TNIK: variants seen among roughly 807,000 people sequenced by gnomAD.
The protein encoded by TNIK is TRAF2 and NCK-interacting protein kinase.
A neutral mutation model predicts 191.3 loss-of-function variants in TNIK; 49 were observed. The ratio of observed to expected loss-of-function variants is 0.26; its 90% CI spans 0.20 to 0.32. The LOEUF is 0.32. Ranked by LOEUF, TNIK falls within the 10% of genes least tolerant of loss-of-function variation. The probability of loss-of-function intolerance (pLI) is 1.00; values close to 1 mark genes in which losing one functional copy is unlikely to be tolerated. For synonymous variants in TNIK, 594 were observed against 600.9 expected, an observed-to-expected ratio of 0.99 and a Z score of 0.17; for missense variants, 1,155 against 1,702.3, an observed-to-expected ratio of 0.68 and a Z score of 5.66.
chr3:171,218,586 G>A (rs1409804072), intron 3 of TNIK, among the ~76,000 whole-genome samples: 1 of 149,232 alleles, frequency 6.7e-6, no homozygotes, highest in Non-Finnish European at 1.5e-5. Context: ...CCCCCTTTTG[G>A]CTTTGGTTAT....
At chr3:171,335,960 T>G (rs907580587) in intron 2 of TNIK, among the ~76,000 whole-genome samples, 51 of 152,176 alleles carry the variant, frequency 3.4e-4, no homozygotes, top group African/African-American at 1.2e-3. Flanking sequence ...CTTTTTAACT[T>G]TAGTCATACA....
chr3:171,232,232 C>T (rs903671149), intron 2 of TNIK, among the ~76,000 whole-genome samples: 2 of 151,938 alleles, frequency 1.3e-5, no homozygotes, highest in Non-Finnish European at 2.9e-5. Context: ...CGTCTGTACA[C>T]CCAGCTACTT....
At chr3:171,398,339 T>C (rs918908772) in intron 1 of TNIK, among the ~76,000 whole-genome samples, 1 of 152,196 alleles carries the variant, frequency 6.6e-6, no homozygotes, top group African/African-American at 2.4e-5. Flanking sequence ...TAGCATCACA[T>C]TTTTATTTAG....
At chr3:171,419,113 G>A in intron 1 of TNIK, among the ~76,000 whole-genome samples, 1 of 152,224 alleles carries the variant, frequency 6.6e-6, no homozygotes, top group Admixed American at 6.5e-5. Flanking sequence ...TCTTCAAAGG[G>A]CCCGTCTCCA....
At chr3:171,241,690 GC>G (rs1278080761) in intron 2 of TNIK, among the ~76,000 whole-genome samples, 1 of 152,158 alleles carries the variant, frequency 6.6e-6, no homozygotes, top group Non-Finnish European at 1.5e-5. Context: ...GCTAGCAGCA[GC>G]CAACAGATCT....
intron 2 of TNIK, among the ~76,000 whole-genome samples, chr3:171,322,134 T>C (rs1466702978): frequency 6.6e-6 from 1 of 152,216 alleles, no homozygotes; most frequent in Non-Finnish European, 1.5e-5. Flanking sequence ...AAACACTTCC[T>C]TATTTAGCAA....
chr3:171,096,195 C>T (rs1722698820), intron 22 of TNIK, among the ~76,000 whole-genome samples: 1 of 152,110 alleles, frequency 6.6e-6, no homozygotes, highest in Non-Finnish European at 1.5e-5. Flanking sequence ...ATCTGCCAGG[C>T]TGATGCTTGT....
At chr3:171,300,937 A>C (rs1752811816) in intron 2 of TNIK, among the ~76,000 whole-genome samples, 2 of 152,202 alleles carry the variant, frequency 1.3e-5, no homozygotes, top group Admixed American at 1.3e-4. Context: ...CAACCATCAA[A>C]ATAAAAATGA....
At chr3:171,434,444 CTTATTTAT>C (rs72027292) in intron 1 of TNIK, among the ~76,000 whole-genome samples, 1 of 149,240 alleles carries the variant, frequency 6.7e-6, no homozygotes, top group Non-Finnish European at 1.5e-5. Context: ...CTCTTTTTTA[CTTATTTAT>C]TTATTTATTT....
chr3:171,206,692 T>G (rs1258842221), intron 4 of TNIK, among the ~76,000 whole-genome samples: 2 of 152,084 alleles, frequency 1.3e-5, no homozygotes, highest in Non-Finnish European at 2.9e-5. Context: ...ACTAATGAGT[T>G]TTGAGGCCCG....
intron 10 of TNIK, among the ~76,000 whole-genome samples, chr3:171,162,684 G>A (rs1486646143): frequency 6.6e-6 from 1 of 152,114 alleles, no homozygotes; most frequent in Non-Finnish European, 1.5e-5. Context: ...ATTTTACTCT[G>A]TTCTCTCATT....
chr3:171,420,138 ATTTC>A (rs1723578536), intron 1 of TNIK, among the ~76,000 whole-genome samples: 2 of 152,056 alleles, frequency 1.3e-5, no homozygotes, highest in Non-Finnish European at 2.9e-5. Flanking sequence ...GAGGGTTTTT[ATTTC>A]AACCGATGTT....
At chr3:171,293,631 G>A (rs186251221) in intron 2 of TNIK, among the ~76,000 whole-genome samples, 3 of 152,202 alleles carry the variant, frequency 2.0e-5, no homozygotes, top group Non-Finnish European at 4.4e-5. Context: ...CTTTCTCCAG[G>A]AAATAGCATC....
chr3:171,189,983 C>T (rs1363687889), intron 6 of TNIK, among the ~76,000 whole-genome samples: 1 of 152,180 alleles, frequency 6.6e-6, no homozygotes, highest in Non-Finnish European at 1.5e-5. Context: ...GTTTAAATCT[C>T]TTTGAAAATA....
chr3:171,093,257 AC>A (rs1012259883), intron 23 of TNIK, among the ~76,000 whole-genome samples: 9 of 152,178 alleles, frequency 5.9e-5, no homozygotes, highest in East Asian at 1.9e-4. Flanking sequence ...AACATGTGCC[AC>A]CCCCCAAATG....
intron 2 of TNIK, among the ~76,000 whole-genome samples, chr3:171,249,262 C>T (rs1281850833): frequency 6.6e-6 from 1 of 152,180 alleles, no homozygotes; most frequent in African/African-American, 2.4e-5. Flanking sequence ...CCTATTAAGT[C>T]CAAGGCTGTG....
At chr3:171,445,495 T>C (rs1180826275) in intron 1 of TNIK, among the ~76,000 whole-genome samples, 1 of 151,874 alleles carries the variant, frequency 6.6e-6, no homozygotes. Flanking sequence ...GGATCCCACT[T>C]TGAGAACTGC....
Position 171,063,669 on chromosome 3 carries a change from G to A in TNIK, c.*212C>T, listed in dbSNP as rs1718066221. 4 of 472,064 alleles carry A rather than the reference G, an allele frequency of 8.5e-6. No individual in the cohort carries two copies. The East Asian group carries it at 1.5e-4, about 17-fold the overall frequency. The allele number at this position is 472,064 out of a possible 1,614,324, so 29.2% of individuals were successfully genotyped here. A position where few individuals can be genotyped will look rare whatever the true frequency, so the allele number is the denominator to read the frequency against. On this transcript the variant is annotated 3_prime_UTR_variant, in exon 33 of 33. Transcript: ENST00000436636. Reference sequence around the variant, plus strand: ...AGGCAGCATTCTTGGGGATCTCCTGGAAATTCCTGCCACCTTTTTCTCTCC... The same window carrying A: ...AGGCAGCATTCTTGGGGATCTCCTGAAAATTCCTGCCACCTTTTTCTCTCC...
intron 22 of TNIK, among the ~76,000 whole-genome samples, chr3:171,094,357 C>T (rs1290260844): frequency 6.6e-6 from 1 of 152,024 alleles, no homozygotes; most frequent in South Asian, 2.1e-4. Context: ...AGGATGGTCT[C>T]GATCTCCTGA....
Sources: allele counts gnomAD v4.1 joint callset (sites outside exome capture counted in the v4.1 genomes callset), GRCh38; gene constraint gnomAD v4.1.1; transcripts MANE v1.5; gene names NCBI Gene and HGNC (gene_info 2026-07-23, HGNC 2026-07-21).